PCDH15: variants seen among roughly 807,000 people sequenced by gnomAD.
PCDH15 encodes the protein protocadherin related 15, also known as protocadherin-15.
A neutral mutation model predicts 178.5 loss-of-function variants in PCDH15; 129 were observed. That is an observed-to-expected ratio of 0.72 (90% CI 0.63 to 0.84). The LOEUF is 0.84. Among genes scored for constraint, PCDH15 ranks in the 40% least tolerant of loss-of-function variants. The pLI, the probability that PCDH15 is intolerant of heterozygous loss-of-function variation, is 0.00. For synonymous variants in PCDH15, 800 were observed against 732.0 expected, an observed-to-expected ratio of 1.09 and a Z score of -1.50; for missense variants, 2,230 against 2,099.9, an observed-to-expected ratio of 1.06 and a Z score of -1.21.
chr10:55,349,934 TC>T (rs1844866937), intron 2 of PCDH15, among the ~76,000 whole-genome samples: 7 of 151,970 alleles, frequency 4.6e-5, no homozygotes, highest in Admixed American at 4.6e-4. Context: ...TTTTTTTACT[TC>T]CTTTCTACAC....
At chr10:55,152,135 T>C (rs1838742779) in intron 2 of PCDH15, among the ~76,000 whole-genome samples, 1 of 152,116 alleles carries the variant, frequency 6.6e-6, no homozygotes, top group African/African-American at 2.4e-5. Context: ...AAATTCTTGA[T>C]TACAGATGGG....
At chr10:55,460,611 A>G (rs1346268887) in intron 2 of PCDH15, among the ~76,000 whole-genome samples, 1 of 152,020 alleles carries the variant, frequency 6.6e-6, no homozygotes, top group Non-Finnish European at 1.5e-5. Context: ...CACTTTGAAC[A>G]TATATAGTTG....
chr10:55,444,127 C>T (rs529541199), intron 2 of PCDH15, among the ~76,000 whole-genome samples: 17 of 150,776 alleles, frequency 1.1e-4, no homozygotes, highest in Admixed American at 1.1e-3. Flanking sequence ...CACACCGGGG[C>T]CTATCGGGGG....
intron 15 of PCDH15, among the ~76,000 whole-genome samples, chr10:54,117,107 A>G (rs1343534330): frequency 6.6e-6 from 1 of 152,140 alleles, no homozygotes; most frequent in East Asian, 1.9e-4. Context: ...GCAGCCTGAC[A>G]AGCTGTGCTC....
At chr10:54,490,330 G>A (rs922954957) in intron 3 of PCDH15, among the ~76,000 whole-genome samples, 2 of 151,848 alleles carry the variant, frequency 1.3e-5, no homozygotes, top group African/African-American at 4.8e-5. Context: ...GGTGCCTGTA[G>A]TCCCAACTAC....
At position 54,251,701 on chromosome 10, in the gene PCDH15, C is replaced by T. The variant is rs376814834; in HGVS notation, c.877-14770G>A. Among the ~76,000 whole-genome samples the T allele has an allele frequency of 1.1e-4, 17 of 152,220 alleles. 1 individual carries two copies. The South Asian group carries it at 3.5e-3, about 32-fold the overall frequency. ...TAACTGTGGAAATGCTTGTAAAACA[C>T]CTACTACCATTGTCCTATCAAGTTC... On this transcript the variant is annotated intron_variant, in intron 8 of 37. Transcript: ENST00000644397.
intron 9 of PCDH15, among the ~76,000 whole-genome samples, chr10:54,229,864 A>C (rs1384779693): frequency 6.6e-6 from 1 of 152,212 alleles, no homozygotes; most frequent in Non-Finnish European, 1.5e-5. Flanking sequence ...TATGTCTTAA[A>C]GTTCAGAGCT....
chr10:54,040,770 C>T (rs2093524643), intron 18 of PCDH15, among the ~76,000 whole-genome samples: 1 of 152,022 alleles, frequency 6.6e-6, no homozygotes, highest in South Asian at 2.1e-4. Context: ...TGTCACACTA[C>T]AAATGTGATT....
Position 55,333,587 on chromosome 10 carries a change from G to A in PCDH15, c.-155-166936C>T, listed in dbSNP as rs530966422. 3.7e-4 allele frequency among the ~76,000 whole-genome samples: 56 copies of A among 151,896 alleles called. 1 individual carries two copies. The highest frequency in any genetic ancestry group is 6.9e-4 in the Non-Finnish European group (47 of 67,956). ...AACTGTTAATTTTTTAAATATTATG[G>A]TATTATTATTTAAAGAATTCATATA... is the stretch of plus-strand genomic sequence containing the variant. On this transcript the variant is annotated intron_variant, in intron 2 of 5. Coordinates refer to the PCDH15 transcript ENST00000613346.
chr10:54,644,425 A>T (rs2094074350), intron 2 of PCDH15, among the ~76,000 whole-genome samples: 2 of 151,820 alleles, frequency 1.3e-5, no homozygotes, highest in Non-Finnish European at 1.5e-5. Context: ...ACTGTATAAA[A>T]GTATGTTAGG....
intron 4 of PCDH15, among the ~76,000 whole-genome samples, chr10:54,377,266 A>G (rs1364296167): frequency 6.6e-6 from 1 of 152,120 alleles, no homozygotes; most frequent in Admixed American, 6.6e-5. Flanking sequence ...TATGTTTACC[A>G]TAAGCATATA....
chr10:54,230,052 G>A (rs1250193408), intron 9 of PCDH15, among the ~76,000 whole-genome samples: 1 of 152,132 alleles, frequency 6.6e-6, no homozygotes, highest in East Asian at 1.9e-4. Flanking sequence ...ATTCAGTTCT[G>A]GGATCAGGCC....
chr10:55,425,755 A>T (rs569750391), intron 2 of PCDH15, among the ~76,000 whole-genome samples: 3 of 152,192 alleles, frequency 2.0e-5, no homozygotes, highest in Non-Finnish European at 4.4e-5. Context: ...AAAGGATCTG[A>T]TTGAATGTTT....
intron 8 of PCDH15, among the ~76,000 whole-genome samples, chr10:54,272,383 G>C (rs570988244): frequency 6.6e-6 from 1 of 152,042 alleles, no homozygotes; most frequent in South Asian, 2.1e-4. Context: ...TTTCATTTAT[G>C]TTTATATGCA....
chr10:54,040,059 CATGCACT>C (rs1392423569), intron 18 of PCDH15, among the ~76,000 whole-genome samples: 1 of 152,002 alleles, frequency 6.6e-6, no homozygotes, highest in African/African-American at 2.4e-5. Flanking sequence ...TCATGCAAAT[CATGCACT>C]ATACAAAACA....
chr10:55,163,919 A>C (rs1196504515), intron 2 of PCDH15, among the ~76,000 whole-genome samples: 1 of 152,288 alleles, frequency 6.6e-6, no homozygotes, highest in South Asian at 2.1e-4. Flanking sequence ...TCAGTTAAGC[A>C]GCTCATGCCA....
chr10:55,495,621 G>A (rs986633717), intron 2 of PCDH15, among the ~76,000 whole-genome samples: 2 of 151,754 alleles, frequency 1.3e-5, no homozygotes, highest in African/African-American at 2.4e-5. Context: ...AGAGAAATTA[G>A]AATATTCATG....
At chr10:54,661,606 A>G (rs1040201027) in intron 2 of PCDH15, among the ~76,000 whole-genome samples, 2 of 152,014 alleles carry the variant, frequency 1.3e-5, no homozygotes, top group Non-Finnish European at 2.9e-5. Context: ...AGCAATCCTA[A>G]GAAGAAAGAT....
At chr10:53,993,471 T>C (rs2091653803) in intron 21 of PCDH15, among the ~76,000 whole-genome samples, 4 of 152,178 alleles carry the variant, frequency 2.6e-5, no homozygotes, top group Admixed American at 1.3e-4. Context: ...AGTGTTAAGA[T>C]AGATACTTAC....
Sources: allele counts gnomAD v4.1 joint callset (sites outside exome capture counted in the v4.1 genomes callset), GRCh38; gene constraint gnomAD v4.1.1; transcripts MANE v1.5; gene names NCBI Gene and HGNC (gene_info 2026-07-23, HGNC 2026-07-21).